The following CCDC148 variants were observed in gnomAD, a reference collection of about 807,000 sequenced individuals.
CCDC148 encodes coiled-coil domain-containing protein 148.
In CCDC148, 89 loss-of-function variants were observed where a neutral mutation model predicts 85.7. That is an observed-to-expected ratio of 1.04 (90% confidence interval 0.87 to 1.24). The LOEUF (loss-of-function observed/expected upper bound fraction) is 1.24. Ranked by LOEUF, CCDC148 falls within the 50% of genes most tolerant of loss-of-function variation. CCDC148 has a pLI of 0.00. For missense variants in CCDC148, 692 were observed against 671.7 expected (o/e 1.03, Z -0.33); for synonymous variants, 230 against 213.9 (o/e 1.08, Z -0.66).
chr2:158,319,724 G>C lies in CCDC148; in HGVS notation c.765-5830C>G, dbSNP rs375808574. Among the ~76,000 whole-genome samples the C allele has an allele frequency of 9.2e-5, 14 of 152,264 alleles. 2 individuals carry two copies. Among genetic ancestry groups the C allele is most frequent in the Admixed American group, 5.9e-4 (9 of 15,290 alleles). On this transcript the variant is annotated intron_variant, in intron 7 of 13. Coordinates refer to ENST00000283233, the MANE Select transcript of CCDC148 (RefSeq NM_138803.4). The stretch of plus-strand genomic sequence containing the variant: ...AGAGAAACATGACTTTTTAAACATA[G>C]CATCTTAATATTGCTTTGGAAGAAA...
At chr2:158,282,995 CT>C (rs1690408616) in intron 9 of CCDC148, among the ~76,000 whole-genome samples, 1 of 152,310 alleles carries the variant, frequency 6.6e-6, no homozygotes, top group South Asian at 2.1e-4. Flanking sequence ...ACTATGTGAT[CT>C]TTGACAAACC....
chr2:158,321,254 T>C lies in CCDC148; in HGVS notation c.765-7360A>G, dbSNP rs76327848. Among the ~76,000 whole-genome samples, 14 of 152,106 alleles carry C rather than the reference T, an allele frequency of 9.2e-5. No individual in the cohort carries two copies. In the East Asian group the frequency reaches 2.7e-3, roughly 29 times the overall value. ...AGCTACTAAAGATATGTGACAAAAA[T>C]AAAATCATGGTCCACACTATTACCC... On this transcript the variant is annotated intron_variant, in intron 7 of 13. Transcript: ENST00000283233.
chr2:158,259,970 G>A (rs1180446336), intron 9 of CCDC148, among the ~76,000 whole-genome samples: 1 of 151,900 alleles, frequency 6.6e-6, no homozygotes, highest in Non-Finnish European at 1.5e-5. Context: ...TGTGAATACT[G>A]CCTAAAATAC....
chr2:158,191,544 A>G (rs1685424204), intron 11 of CCDC148, among the ~76,000 whole-genome samples: 1 of 151,938 alleles, frequency 6.6e-6, no homozygotes, highest in Non-Finnish European at 1.5e-5. Flanking sequence ...CCCAAGTAAA[A>G]TATTTTCATT....
At chr2:158,234,379 C>G (rs929281270) in intron 10 of CCDC148, among the ~76,000 whole-genome samples, 1 of 152,198 alleles carries the variant, frequency 6.6e-6, no homozygotes, top group South Asian at 2.1e-4. Context: ...GTTTCAGCTA[C>G]TTATCAGTGC....
intron 1 of CCDC148, among the ~76,000 whole-genome samples, chr2:158,418,229 A>G (rs1559131699): frequency 6.6e-6 from 1 of 152,072 alleles, no homozygotes; most frequent in Admixed American, 6.6e-5. Context: ...TCAAATTGCC[A>G]TATCTCTACA....
intron 1 of CCDC148, among the ~76,000 whole-genome samples, chr2:158,426,335 A>G (rs975539638): frequency 5.9e-5 from 9 of 152,114 alleles, no homozygotes; most frequent in Admixed American, 4.6e-4. Flanking sequence ...AAGCTGTATT[A>G]CAGTTAACTG....
rs1307222670 is a variant in CCDC148 at position 158,171,664 on chromosome 2, C to T, written c.*449G>A. ...TAAATTTAGAGAAAGGTTGAGTCTC[C>T]TCTTATAATAATCAAGAAATAATAG... On this transcript the variant is annotated 3_prime_UTR_variant, in exon 14 of 14. Coordinates refer to ENST00000283233, the MANE Select transcript of CCDC148 (RefSeq NM_138803.4). 6.6e-6 allele frequency: 1 copy of T among 151,812 alleles called. No homozygotes were observed. The highest frequency in any genetic ancestry group is 2.4e-5 in the African/African-American group (1 of 41,362). 9.4% of individuals were successfully genotyped at this position (151,812 alleles called of 1,614,324 possible). A position where few individuals can be genotyped will look rare whatever the true frequency, so the allele number is the denominator to read the frequency against.
intron 9 of CCDC148, among the ~76,000 whole-genome samples, chr2:158,298,326 GT>G (rs145300810): frequency 6.6e-6 from 1 of 151,114 alleles, no homozygotes; most frequent in African/African-American, 2.4e-5. Flanking sequence ...CCTAGGTGTG[GT>G]TTTTTTTTGG....
At chr2:158,438,356 C>G (rs181536947) in intron 1 of CCDC148, among the ~76,000 whole-genome samples, 1,932 of 152,132 alleles carry the variant, frequency 0.013, 18 homozygotes, top group Non-Finnish European at 0.021. Context: ...ACAAACCTGA[C>G]AAAAACAAGA....
At chr2:158,343,277 C>G (rs1682820546) in intron 3 of CCDC148, among the ~76,000 whole-genome samples, 1 of 152,158 alleles carries the variant, frequency 6.6e-6, no homozygotes, top group Admixed American at 6.5e-5. Context: ...AGCTACTCAA[C>G]TCCAAGGTCA....
intron 11 of CCDC148, among the ~76,000 whole-genome samples, chr2:158,181,065 C>G (rs188366270): frequency 1.3e-5 from 2 of 152,234 alleles, no homozygotes; most frequent in East Asian, 3.9e-4. Context: ...AATTTAAGCA[C>G]TGAGTACAAG....
chr2:158,239,633 A>C (rs1193822480), intron 10 of CCDC148, among the ~76,000 whole-genome samples: 2 of 152,122 alleles, frequency 1.3e-5, no homozygotes, highest in African/African-American at 4.8e-5. Context: ...GTTTATTTCT[A>C]AGTTTTAATA....
chr2:158,308,944 G>C (rs1691830066), intron 9 of CCDC148, among the ~76,000 whole-genome samples: 1 of 152,174 alleles, frequency 6.6e-6, no homozygotes, highest in Admixed American at 6.5e-5. Flanking sequence ...CTGAGGAGGA[G>C]GAAAACCCCA....
At chr2:158,274,243 C>T (rs912581447) in intron 9 of CCDC148, among the ~76,000 whole-genome samples, 1 of 152,130 alleles carries the variant, frequency 6.6e-6, no homozygotes, top group Non-Finnish European at 1.5e-5. Context: ...CAGGCTTCAC[C>T]CCAGAATCGG....
chr2:158,282,404 T>C (rs542003595), intron 9 of CCDC148, among the ~76,000 whole-genome samples: 17 of 152,288 alleles, frequency 1.1e-4, no homozygotes, highest in African/African-American at 4.1e-4. Context: ...AAAATCTCCT[T>C]AAGCTGATAA....
chr2:158,410,147 A>G (rs575783897), intron 1 of CCDC148, among the ~76,000 whole-genome samples: 8 of 152,240 alleles, frequency 5.3e-5, no homozygotes, highest in Admixed American at 2.6e-4. Context: ...TTTAAAGTCT[A>G]TTTTGTCTAA....
chr2:158,300,135 T>A (rs1370023958), intron 9 of CCDC148, among the ~76,000 whole-genome samples: 4 of 152,242 alleles, frequency 2.6e-5, no homozygotes, highest in Non-Finnish European at 5.9e-5. Flanking sequence ...AGTCTTGTAC[T>A]TCACTTCTTG....
intron 9 of CCDC148, among the ~76,000 whole-genome samples, chr2:158,309,058 G>T (rs1375079813): frequency 6.6e-6 from 1 of 152,106 alleles, no homozygotes; most frequent in Non-Finnish European, 1.5e-5. Context: ...TGAACTTTTT[G>T]CTATCTTTGA....
Sources: allele counts gnomAD v4.1 joint callset (sites outside exome capture counted in the v4.1 genomes callset), GRCh38; gene constraint gnomAD v4.1.1; transcripts MANE v1.5; gene names NCBI Gene and HGNC (gene_info 2026-07-23, HGNC 2026-07-21).